The following DENND2A variants were observed in gnomAD, a reference collection of about 807,000 sequenced individuals.
DENND2A encodes DENN domain-containing protein 2A.
DENND2A carries 53 observed loss-of-function variants against 105.3 expected under a neutral mutation model. The observed-to-expected ratio is 0.50, with a 90% CI of 0.40 to 0.63. The LOEUF is 0.63. Ranked by LOEUF, DENND2A falls within the 30% of genes least tolerant of loss-of-function variation. The probability of loss-of-function intolerance (pLI) is 0.00; values close to 1 mark genes in which losing one functional copy is unlikely to be tolerated. For missense variants in DENND2A, 1,138 were observed against 1,279.6 expected, an observed-to-expected ratio of 0.89 and a Z score of 1.69; for synonymous variants, 522 against 508.4, an observed-to-expected ratio of 1.03 and a Z score of -0.36.
rs1350360592 is a variant in DENND2A, at chr7:140,551,320, AAAG to A, written c.2037+4313_2037+4315del. Among the ~76,000 whole-genome samples, 9 of 150,968 alleles carry A rather than the reference AAAG, an allele frequency of 6.0e-5. No individual in the cohort carries two copies. In the South Asian group the frequency reaches 1.7e-3, roughly 28 times the overall value. ...ATCTCAAAAAAAAAAAAAAAAAAAA[AAAG>A]AAAGGAAAAAGGAAAAGAAAAAAAG... On this transcript the variant is annotated intron_variant, in intron 12 of 19. Transcript: ENST00000496613.
In DENND2A at chr7:140,527,369, G is replaced by A. The variant is rs375568987; in HGVS notation, c.2454C>T (p.Ile818=). The change falls in exon 15 of 20, where the codon ATC becomes ATT. Residue 818 remains isoleucine, a synonymous_variant. Coordinates refer to ENST00000496613, the MANE Select transcript of DENND2A (RefSeq NM_015689.5). This position sits in a 1 kb window ranked among gnomAD's most constrained non-coding sequence, Gnocchi z 4.9. ...GTGGCAGCGAGCTGGAGAGCAGCCC[G>A]ATGAGGAAGGGCGTCGGCGAGCACA... is the stretch of plus-strand genomic sequence containing the variant. ...DIVCSPTPFL[I]GLLSSSLPLL... The A allele has an allele frequency of 4.0e-5, 64 of 1,604,890 alleles. No individual in the cohort carries two copies. The African/African-American group carries it at 6.1e-4, about 15-fold the overall frequency.
At chr7:140,615,489 T>C (rs565525744) in intron 1 of DENND2A, among the ~76,000 whole-genome samples, 1 of 151,698 alleles carries the variant, frequency 6.6e-6, no homozygotes, top group Non-Finnish European at 1.5e-5. Flanking sequence ...AAGGCACAAC[T>C]TCTCTGCTAA....
chr7:140,620,356 G>C (rs1400878197), intron 1 of DENND2A, among the ~76,000 whole-genome samples: 1 of 119,394 alleles, frequency 8.4e-6, no homozygotes, highest in African/African-American at 3.2e-5. Flanking sequence ...GGGTGGGGGG[G>C]GGGAGGAGGA....
In DENND2A at chr7:140,527,318, C is replaced by A; in HGVS notation, c.2505G>T (p.Glu835Asp). 6.3e-7 allele frequency: 1 copy of A among 1,580,078 alleles called. No homozygotes were observed. The highest frequency in any genetic ancestry group is 8.6e-7 in the Non-Finnish European group (1 of 1,164,320). ...LPLLRELPLE[E>D]VLVVDLVNSR... ...GGGACAGGGCTGAGTGGGAGCTCAC[C>A]TCTTCCAGCGGCAGCTCCCTGAGCA... The change falls in exon 15 of 20, where the codon GAG (glutamate) becomes GAT (aspartate). Residue 835 changes from glutamate to aspartate, a missense_variant and splice_region_variant. By Grantham distance (45) the Glu-to-Asp change is conservative (BLOSUM62 2). Coordinates refer to ENST00000496613, the MANE Select transcript of DENND2A (RefSeq NM_015689.5). This position sits in a 1 kb window ranked among gnomAD's most constrained non-coding sequence, Gnocchi z 4.9.
At position 140,640,128 on chromosome 7, in the gene DENND2A, C is replaced by A; in HGVS notation, c.-248+376G>T. On this transcript the variant is annotated intron_variant, in intron 1 of 19. Transcript: ENST00000496613. This position sits in a 1 kb window ranked among gnomAD's most constrained non-coding sequence, Gnocchi z 4.9. ...ACACTCACACACACTCGCACAGACA[C>A]ACTCACACACAGACACACAAGCGCG... 1 of 152,832 alleles carries A rather than the reference C, an allele frequency of 6.5e-6. No homozygotes were observed. The highest frequency in any genetic ancestry group is 1.5e-5 in the Non-Finnish European group (1 of 68,520). 9.5% of individuals were successfully genotyped at this position (152,832 alleles called of 1,614,324 possible). A position where few individuals can be genotyped will look rare whatever the true frequency, so the allele number is the denominator to read the frequency against.
chr7:140,588,056 A>T (rs1210657510), intron 3 of DENND2A, among the ~76,000 whole-genome samples: 1 of 152,144 alleles, frequency 6.6e-6, no homozygotes, highest in Admixed American at 6.6e-5. Flanking sequence ...GACTATAGGC[A>T]TGCACCACCA....
intron 14 of DENND2A, among the ~76,000 whole-genome samples, chr7:140,541,220 C>T (rs1447960400): frequency 1.3e-5 from 2 of 152,076 alleles, no homozygotes; most frequent in African/African-American, 2.4e-5. Flanking sequence ...AGACTGGTGT[C>T]TCACTGTACT....
At chr7:140,520,555 C>A (rs577474342) in intron 18 of DENND2A, among the ~76,000 whole-genome samples, 2 of 151,042 alleles carry the variant, frequency 1.3e-5, no homozygotes, top group South Asian at 4.2e-4. Context: ...ACAGAGGGTT[C>A]TTTCCAGGGT....
In DENND2A at chr7:140,553,996, G is replaced by C. The variant is rs574198257; in HGVS notation, c.2037+1640C>G. On this transcript the variant is annotated intron_variant, in intron 12 of 19. Coordinates refer to ENST00000496613, the MANE Select transcript of DENND2A (RefSeq NM_015689.5). ...TAATCCCAGCACTTAGGGAGGCCGA[G>C]GTGGGCGGATTACGAGGTCAGGAGA... 6.1e-4 allele frequency among the ~76,000 whole-genome samples: 93 copies of C among 152,320 alleles called. 1 individual carries two copies. The highest frequency in any genetic ancestry group is 2.0e-3 in the African/African-American group (83 of 41,582).
chr7:140,525,546 C>T (rs1489462813), intron 16 of DENND2A, among the ~76,000 whole-genome samples: 2 of 152,160 alleles, frequency 1.3e-5, no homozygotes, highest in Admixed American at 6.5e-5. Context: ...TGTCAGAACA[C>T]GTAGAAAGCA....
At chr7:140,568,687 A>C in intron 8 of DENND2A, 76 bp downstream of exon 8, 1 of 1,466,870 alleles carries the variant, frequency 6.8e-7, no homozygotes. Context: ...TCTGTCCCTC[A>C]TACTAAGGAG....
chr7:140,558,075 A>T, intron 11 of DENND2A, 68 bp downstream of exon 11: 1 of 1,364,440 alleles, frequency 7.3e-7, no homozygotes, highest in East Asian at 2.3e-5. Flanking sequence ...GGGAAGCCAG[A>T]CCTGGCTCTT....
intron 12 of DENND2A, 109 bp from the exon 13 acceptor site, chr7:140,547,048 G>A: frequency 7.1e-7 from 1 of 1,409,004 alleles, no homozygotes; most frequent in African/African-American, 1.4e-5. Flanking sequence ...TTATGGGGAA[G>A]CCCTGCTTTC....
chr7:140,537,078 A>T (rs1187127801), intron 14 of DENND2A, among the ~76,000 whole-genome samples: 2 of 152,222 alleles, frequency 1.3e-5, no homozygotes, highest in Admixed American at 6.5e-5. Flanking sequence ...CCAGAGCAGC[A>T]AGGTGGCAGC....
chr7:140,622,909 G>T (rs1415800302), intron 1 of DENND2A, among the ~76,000 whole-genome samples: 1 of 152,138 alleles, frequency 6.6e-6, no homozygotes, highest in Non-Finnish European at 1.5e-5. Flanking sequence ...TATCCATATG[G>T]CTGGAGCTGA....
Position 140,587,717 on chromosome 7 carries a change from G to A in DENND2A, c.1059C>T (p.Tyr353=), listed in dbSNP as rs183962765. The A allele has an allele frequency of 3.7e-3, 5,961 of 1,613,268 alleles. 325 individuals carry two copies. The Admixed American group carries it at 0.093, about 25-fold the overall frequency. The change falls in exon 4 of 20, where the codon TAC becomes TAT. Residue 353 remains tyrosine, a synonymous_variant. Coordinates refer to ENST00000496613, the MANE Select transcript of DENND2A (RefSeq NM_015689.5). ...GTGTCAGCCCCAGCTTAGTCTGCGC[G>A]TACCAGTCCACCCTGCTGCTCTCAG... is the stretch of plus-strand genomic sequence containing the variant. The part of the protein sequence containing the change: ...SSSESSRVDW[Y]AQTKLGLTRT...
At chr7:140,539,816 C>T (rs1041869346) in intron 14 of DENND2A, among the ~76,000 whole-genome samples, 3 of 152,226 alleles carry the variant, frequency 2.0e-5, no homozygotes, top group Non-Finnish European at 2.9e-5. Context: ...CAGAGCTCTT[C>T]GGGCCTTTCT....
intron 1 of DENND2A, among the ~76,000 whole-genome samples, chr7:140,613,914 T>C (rs1166299241): frequency 6.6e-6 from 1 of 152,054 alleles, no homozygotes; most frequent in Non-Finnish European, 1.5e-5. Flanking sequence ...TCCCTTCTTT[T>C]CCCATGGAAA....
At position 140,523,077 on chromosome 7, in the gene DENND2A, T is replaced by G. The variant is rs1563115251; in HGVS notation, c.2665+230A>C. Among the ~76,000 whole-genome samples the G allele has an allele frequency of 6.6e-6, 1 of 152,118 alleles. No individual in the cohort carries two copies. The highest frequency in any genetic ancestry group is 1.5e-5 in the Non-Finnish European group (1 of 68,018). On this transcript the variant is annotated intron_variant, in intron 17 of 19. Transcript: ENST00000496613. This position sits in a 1 kb window ranked among gnomAD's most constrained non-coding sequence, Gnocchi z 4.5. ...CATGTGCCACCATGCCCAGATAATT[T>G]CCACGCCCCCCTTTTAAACAGGTAC...
Sources: allele counts gnomAD v4.1 joint callset (sites outside exome capture counted in the v4.1 genomes callset), GRCh38; gene constraint gnomAD v4.1.1; non-coding constraint Gnocchi (gnomAD v3.1); transcripts MANE v1.5; gene names NCBI Gene and HGNC (gene_info 2026-07-23, HGNC 2026-07-21).